The following DEUP1 variants were observed in gnomAD, a reference collection of about 807,000 sequenced individuals.
DEUP1 encodes coiled-coil domain containing 67.
A neutral mutation model predicts 87.4 loss-of-function variants in DEUP1; 82 were observed. The ratio of observed to expected loss-of-function variants is 0.94; its 90% CI spans 0.78 to 1.13. The LOEUF (loss-of-function observed/expected upper bound fraction) is 1.13. Ranked by LOEUF, DEUP1 falls within the 50% of genes most tolerant of loss-of-function variation. The probability of loss-of-function intolerance (pLI) is 0.00; values close to 1 mark genes in which losing one functional copy is unlikely to be tolerated. For synonymous variants in DEUP1, 214 were observed against 222.7 expected (o/e 0.96, Z 0.35); for missense variants, 663 against 681.5 (o/e 0.97, Z 0.30).
At position 93,437,575 on chromosome 11, in the gene DEUP1, G is replaced by A; in HGVS notation, c.1671G>A (p.Leu557=). 2 of 1,613,170 alleles carry A rather than the reference G, an allele frequency of 1.2e-6. No individual in the cohort carries two copies. The highest frequency in any genetic ancestry group is 1.7e-6 in the Non-Finnish European group (2 of 1,179,594). Residue 557 remains leucine, a synonymous_variant, in exon 14 of 14, where the codon TTG becomes TTA. Coordinates refer to ENST00000298050, the MANE Select transcript of DEUP1 (RefSeq NM_181645.4). The part of the protein sequence containing the change: ...SPPDMSFPAS[L]AAQHFLLEEE... ...CAGATATGTCCTTCCCAGCATCTTT[G>A]GCTGCACAGCATTTCCTTCTGGAAG... is the stretch of plus-strand genomic sequence containing the variant.
intron 7 of DEUP1, among the ~76,000 whole-genome samples, chr11:93,374,791 A>G (rs1319784302): frequency 6.6e-6 from 1 of 151,808 alleles, no homozygotes; most frequent in African/African-American, 2.4e-5. Flanking sequence ...GAATTCTAAG[A>G]ATTTTTTTCT....
intron 4 of DEUP1, among the ~76,000 whole-genome samples, chr11:93,360,157 G>A (rs578139942): frequency 6.6e-6 from 1 of 152,250 alleles, no homozygotes; most frequent in South Asian, 2.1e-4. Flanking sequence ...CAATCAAAGT[G>A]TATTAGTGAA....
At position 93,408,444 on chromosome 11, in the gene DEUP1, A is replaced by T; in HGVS notation, c.1523+17A>T. On this transcript the variant is annotated intron_variant, in intron 12 of 13. Coordinates refer to ENST00000298050, the MANE Select transcript of DEUP1 (RefSeq NM_181645.4). ...TGAAGAGAGGTATGCTGGCTCCATT[A>T]TATAAGGGCATAAGTTTAAAAACAT... 1 of 1,406,720 alleles carries T rather than the reference A, an allele frequency of 7.1e-7. No individual in the cohort carries two copies. The highest frequency in any genetic ancestry group is 9.6e-7 in the Non-Finnish European group (1 of 1,041,176). The allele number at this position is 1,406,720 out of a possible 1,614,324, so 87.1% of individuals were successfully genotyped here.
At chr11:93,373,605 T>G (rs1353704196) in intron 7 of DEUP1, among the ~76,000 whole-genome samples, 24 of 128,716 alleles carry the variant, frequency 1.9e-4, no homozygotes, top group Admixed American at 3.4e-4. Context: ...GTATATATAT[T>G]TATATATGTA....
chr11:93,433,021 A>G (rs992445290), intron 13 of DEUP1, among the ~76,000 whole-genome samples: 1 of 152,130 alleles, frequency 6.6e-6, no homozygotes, highest in Non-Finnish European at 1.5e-5. Flanking sequence ...CTTGTCATCT[A>G]TAACTTCCAA....
intron 11 of DEUP1, among the ~76,000 whole-genome samples, chr11:93,405,265 C>CTTTTT (rs1947236224): frequency 1.3e-5 from 2 of 152,016 alleles, no homozygotes; most frequent in South Asian, 4.2e-4. Flanking sequence ...GTATAAGACC[C>CTTTTT]TGCCTCCTTT....
intron 4 of DEUP1, among the ~76,000 whole-genome samples, chr11:93,361,463 T>G (rs1945173098): frequency 6.6e-6 from 1 of 152,082 alleles, no homozygotes; most frequent in African/African-American, 2.4e-5. Context: ...GTTTTCAGTA[T>G]ATGTACAGGA....
Position 93,364,153 on chromosome 11 carries a change from T to C in DEUP1, c.298-7T>C. The C allele has an allele frequency of 6.4e-7, 1 of 1,555,208 alleles. No homozygotes were observed. The highest frequency in any genetic ancestry group is 8.8e-7 in the Non-Finnish European group (1 of 1,135,242). ...AGTAAAATGTTAACATTTTCTGTGA[T>C]TTACAGTTTTCCAAACTAACAAATA... is the stretch of plus-strand genomic sequence containing the variant. On this transcript the variant is annotated splice_region_variant and splice_polypyrimidine_tract_variant and intron_variant, in intron 4 of 13. Coordinates refer to ENST00000298050, the MANE Select transcript of DEUP1 (RefSeq NM_181645.4).
At chr11:93,338,180 A>C (rs897367879) in intron 2 of DEUP1, among the ~76,000 whole-genome samples, 2 of 152,216 alleles carry the variant, frequency 1.3e-5, no homozygotes, top group African/African-American at 4.8e-5. Flanking sequence ...CTTGAACTCA[A>C]GAAGCAGAAG....
intron 11 of DEUP1, among the ~76,000 whole-genome samples, chr11:93,399,534 G>C (rs1373319844): frequency 6.6e-6 from 1 of 150,934 alleles, no homozygotes; most frequent in Non-Finnish European, 1.5e-5. Flanking sequence ...GTATTCCTAG[G>C]TGTTTTTTAA....
At chr11:93,429,258 G>A (rs1415544585) in intron 13 of DEUP1, among the ~76,000 whole-genome samples, 1 of 152,058 alleles carries the variant, frequency 6.6e-6, no homozygotes, top group Admixed American at 6.6e-5. Flanking sequence ...ATGCTCTTTT[G>A]TGTTCATCTC....
intron 2 of DEUP1, among the ~76,000 whole-genome samples, chr11:93,350,082 G>C (rs1241420011): frequency 6.6e-6 from 1 of 152,194 alleles, no homozygotes; most frequent in Non-Finnish European, 1.5e-5. Flanking sequence ...ACAGAAATTA[G>C]GGAAGATGGC....
At chr11:93,332,405 G>A (rs1262725695) in intron 2 of DEUP1, 117 bp downstream of exon 2, 1 of 764,728 alleles carries the variant, frequency 1.3e-6, no homozygotes, top group East Asian at 2.7e-5. Context: ...ATTATTTTTG[G>A]TGAGGCGGAT....
chr11:93,334,526 TAG>T (rs1029036570), intron 2 of DEUP1, among the ~76,000 whole-genome samples: 27 of 152,040 alleles, frequency 1.8e-4, no homozygotes, highest in African/African-American at 5.3e-4. Context: ...GTGGGAAAAA[TAG>T]AGAGTGTGAA....
intron 13 of DEUP1, among the ~76,000 whole-genome samples, chr11:93,427,012 G>GAAAA (rs1215051153): frequency 8.4e-5 from 1 of 11,844 alleles, no homozygotes; most frequent in Non-Finnish European, 1.3e-4. Flanking sequence ...AAAAAAAAAA[G>GAAAA]AAAAAAAAAA....
chr11:93,415,736 A>G (rs1349895073), intron 13 of DEUP1, among the ~76,000 whole-genome samples: 1 of 151,912 alleles, frequency 6.6e-6, no homozygotes, highest in Admixed American at 6.6e-5. Context: ...TATGATATAT[A>G]TTATTTTGTT....
intron 7 of DEUP1, among the ~76,000 whole-genome samples, chr11:93,372,410 G>A (rs1372664629): frequency 1.3e-5 from 2 of 152,048 alleles, no homozygotes; most frequent in Non-Finnish European, 2.9e-5. Flanking sequence ...TAAGGTCACT[G>A]CCTGAGAACT....
At chr11:93,377,640 C>G (rs933240176) in intron 7 of DEUP1, among the ~76,000 whole-genome samples, 2 of 152,040 alleles carry the variant, frequency 1.3e-5, no homozygotes, top group Non-Finnish European at 2.9e-5. Flanking sequence ...AAGTGAGGTA[C>G]TATTATATTC....
Position 93,342,572 on chromosome 11 carries a change from C to G in DEUP1, c.29+10284C>G, listed in dbSNP as rs939831391. Among the ~76,000 whole-genome samples the G allele has an allele frequency of 3.6e-4, 55 of 152,188 alleles. 1 individual carries two copies. Among genetic ancestry groups the G allele is most frequent in the Non-Finnish European group, 1.6e-4 (11 of 68,032 alleles). On this transcript the variant is annotated intron_variant, in intron 2 of 13. Transcript: ENST00000298050. ...AGCCCTCTTTTAAATAGCCTTTTGG[C>G]ACCTTCCACTTATATTTCATAGGAC...
Sources: allele counts gnomAD v4.1 joint callset (sites outside exome capture counted in the v4.1 genomes callset), GRCh38; gene constraint gnomAD v4.1.1; transcripts MANE v1.5; gene names NCBI Gene and HGNC (gene_info 2026-07-23, HGNC 2026-07-21).